The following MIB1 variants were observed in gnomAD, a reference collection of about 807,000 sequenced individuals.
MIB1 encodes MIB E3 ubiquitin protein ligase 1.
MIB1 carries 278 observed loss-of-function variants against 124.5 expected under a neutral mutation model. The observed-to-expected ratio is 2.23, with a 90% CI of 2.02 to 2.47. The LOEUF is 2.47. MIB1 is among the 30% of genes most tolerant of loss of function. MIB1 has a pLI of 0.00. For missense variants in MIB1, 957 were observed against 1,254.4 expected (o/e 0.76, Z 3.58); for synonymous variants, 446 against 429.4 (o/e 1.04, Z -0.48).
intron 1 of MIB1, among the ~76,000 whole-genome samples, chr18:21,748,330 C>G (rs966683793): frequency 2.0e-5 from 3 of 150,982 alleles, no homozygotes; most frequent in African/African-American, 7.3e-5. Context: ...TCTTTTTTTG[C>G]TTTGCTTTGC....
intron 6 of MIB1, among the ~76,000 whole-genome samples, chr18:21,786,713 T>C (rs2041439853): frequency 6.6e-6 from 1 of 152,208 alleles, no homozygotes; most frequent in East Asian, 1.9e-4. Flanking sequence ...ACTGCTTAAT[T>C]TTGCTGTTGA....
At chr18:21,749,360 TAA>T (rs1465658509) in intron 1 of MIB1, among the ~76,000 whole-genome samples, 3 of 152,192 alleles carry the variant, frequency 2.0e-5, no homozygotes, top group African/African-American at 7.2e-5. Context: ...ATTTAATAGT[TAA>T]AAAATATATT....
chr18:21,799,138 C>G (rs2041619339), intron 8 of MIB1, among the ~76,000 whole-genome samples: 13 of 151,996 alleles, frequency 8.6e-5, no homozygotes, highest in Admixed American at 8.5e-4. Flanking sequence ...TGTCATTTGT[C>G]CCTTGCCCTA....
chr18:21,809,188 A>T (rs1027724563), intron 10 of MIB1, among the ~76,000 whole-genome samples: 1 of 152,114 alleles, frequency 6.6e-6, no homozygotes, highest in Non-Finnish European at 1.5e-5. Flanking sequence ...TTTCTAGAAC[A>T]CAAAACCTGT....
chr18:21,806,841 T>TC (rs1347626113), intron 10 of MIB1, among the ~76,000 whole-genome samples: 11 of 151,462 alleles, frequency 7.3e-5, no homozygotes, highest in Admixed American at 3.3e-4. Flanking sequence ...CAGGATGGTC[T>TC]CCATCTCCTC....
chr18:21,762,755 G>T (rs1017952743), intron 1 of MIB1, among the ~76,000 whole-genome samples: 1 of 152,140 alleles, frequency 6.6e-6, no homozygotes, highest in African/African-American at 2.4e-5. Flanking sequence ...AGTTACTTTA[G>T]TAATATGGTA....
chr18:21,804,901 A>G (rs2041687144), intron 10 of MIB1, among the ~76,000 whole-genome samples: 1 of 152,074 alleles, frequency 6.6e-6, no homozygotes, highest in Admixed American at 6.6e-5. Context: ...CTCTAATTGT[A>G]TGTATTTTGA....
At chr18:21,802,633 T>C (rs2041662147) in intron 9 of MIB1, among the ~76,000 whole-genome samples, 1 of 152,178 alleles carries the variant, frequency 6.6e-6, no homozygotes, top group Non-Finnish European at 1.5e-5. Context: ...TTTTGTCTCT[T>C]CTAAGTTACT....
intron 10 of MIB1, among the ~76,000 whole-genome samples, chr18:21,815,011 T>TTATATA (rs60363843): frequency 0.021 from 1,096 of 52,438 alleles, 14 homozygotes; most frequent in Non-Finnish European, 0.023. Flanking sequence ...GCTGTTGGTT[T>TTATATA]TATATATATA....
Position 21,860,098 on chromosome 18 carries a change from C to CTTTTTTTTTTTTTT in MIB1, c.2880+1466_2880+1479dup, listed in dbSNP as rs398032096. On this transcript the variant is annotated intron_variant, in intron 20 of 20. Transcript: ENST00000261537. Reference sequence around the variant, plus strand: ...GTGTTGGTTATGTTGTTCTTTATGTCTTTTTTTTTTTTTTTTTTTTTTTTT... The same window carrying CTTTTTTTTTTTTTT: ...GTGTTGGTTATGTTGTTCTTTATGTCTTTTTTTTTTTTTTTTTTTTTTTTTTTTTTTTTTTTTTT... 1.9e-3 allele frequency among the ~76,000 whole-genome samples: 51 copies of CTTTTTTTTTTTTTT among 26,466 alleles called. 9 individuals carry two copies. Among genetic ancestry groups the CTTTTTTTTTTTTTT allele is most frequent in the East Asian group, 3.0e-3 (2 of 676 alleles). 17.4% of individuals were successfully genotyped at this position (26,466 alleles called of 152,430 possible). A position where few individuals can be genotyped will look rare whatever the true frequency, so the allele number is the denominator to read the frequency against.
chr18:21,734,006 A>G (rs1201027082), intron 1 of MIB1, among the ~76,000 whole-genome samples: 3 of 151,986 alleles, frequency 2.0e-5, no homozygotes, highest in Admixed American at 6.6e-5. Context: ...ACTTTGGGGC[A>G]TTGTCCCCAT....
chr18:21,849,276 T>A lies in MIB1; in HGVS notation c.2474T>A (p.Met825Lys). 6.2e-7 allele frequency: 1 copy of A among 1,612,960 alleles called. No individual in the cohort carries two copies. Among genetic ancestry groups the A allele is most frequent in the Non-Finnish European group, 8.5e-7 (1 of 1,179,152 alleles). Residue 825 changes from methionine (M) to lysine (K), a missense_variant, in exon 17 of 21, where the codon ATG (methionine) becomes AAG (lysine). Transcript: ENST00000261537. Reference sequence around the variant, plus strand: ...GAAGAGTGTATGGTGTGCTCAGATATGAAGAGAGATACTCTTTTTGGTCCA... The same window carrying A: ...GAAGAGTGTATGGTGTGCTCAGATAAGAAGAGAGATACTCTTTTTGGTCCA... Reference protein sequence around the residue: ...TLEECMVCSDMKRDTLFGPCG... With the variant: ...TLEECMVCSDKKRDTLFGPCG...
At position 21,867,752 on chromosome 18, in the gene MIB1, A is replaced by C. The variant is rs1443965219; in HGVS notation, c.*3086A>C. Reference sequence around the variant, plus strand: ...TTAAGATGTGTCTGGTTCAAATATCAAAACTTGCTGGGTCATTTTTACATA... The same window carrying C: ...TTAAGATGTGTCTGGTTCAAATATCCAAACTTGCTGGGTCATTTTTACATA... On this transcript the variant is annotated 3_prime_UTR_variant, in exon 21 of 21. Transcript: ENST00000261537. 2.0e-5 allele frequency: 3 copies of C among 152,582 alleles called. No individual in the cohort carries two copies. The East Asian group carries it at 5.8e-4, about 29-fold the overall frequency. The allele number at this position is 152,582 out of a possible 1,614,324, so 9.5% of individuals were successfully genotyped here.
At chr18:21,862,148 C>T (rs1468785633) in intron 20 of MIB1, among the ~76,000 whole-genome samples, 2 of 152,158 alleles carry the variant, frequency 1.3e-5, no homozygotes, top group Non-Finnish European at 2.9e-5. Flanking sequence ...CCTCTTACCT[C>T]GGCCTCCCAA....
At chr18:21,845,845 G>A (rs757456217) in intron 15 of MIB1, among the ~76,000 whole-genome samples, 10 of 151,930 alleles carry the variant, frequency 6.6e-5, no homozygotes, top group Non-Finnish European at 1.3e-4. Context: ...GACTGGTCCC[G>A]AACTCCTGAC....
intron 9 of MIB1, among the ~76,000 whole-genome samples, chr18:21,800,972 T>G (rs1202012775): frequency 6.6e-6 from 1 of 152,104 alleles, no homozygotes; most frequent in East Asian, 1.9e-4. Flanking sequence ...TACTTAAGTT[T>G]TTTCTTCATT....
At chr18:21,806,625 G>GTTTTTTT (rs1156634721) in intron 10 of MIB1, among the ~76,000 whole-genome samples, 1 of 141,600 alleles carries the variant, frequency 7.1e-6, no homozygotes, top group Non-Finnish European at 1.6e-5. Context: ...TTTGTTTTTT[G>GTTTTTTT]TTTTTTTTTT....
chr18:21,863,223 T>C (rs992680809), intron 20 of MIB1, among the ~76,000 whole-genome samples: 4 of 152,212 alleles, frequency 2.6e-5, no homozygotes, highest in South Asian at 2.1e-4. Context: ...GAGTGCTCTC[T>C]TAGTTCTGCC....
chr18:21,705,916 A>G (rs1344591122), intron 1 of MIB1, among the ~76,000 whole-genome samples: 1 of 152,120 alleles, frequency 6.6e-6, no homozygotes, highest in African/African-American at 2.4e-5. Context: ...AGCAGAAGTA[A>G]TTTTCACGCT....
Sources: allele counts gnomAD v4.1 joint callset (sites outside exome capture counted in the v4.1 genomes callset), GRCh38; gene constraint gnomAD v4.1.1; transcripts MANE v1.5; gene names NCBI Gene and HGNC (gene_info 2026-07-23, HGNC 2026-07-21).